ZNF365: variants seen among roughly 807,000 people sequenced by gnomAD.
The protein encoded by ZNF365 is zinc finger protein 365, also known as protein ZNF365.
A neutral mutation model predicts 35.0 loss-of-function variants in ZNF365; 22 were observed. That is an observed-to-expected ratio of 0.63 (90% CI 0.45 to 0.90). The LOEUF (loss-of-function observed/expected upper bound fraction) is 0.90. Among genes scored for constraint, ZNF365 ranks in the 40% least tolerant of loss-of-function variants. The pLI is 0.00. For missense variants in ZNF365, 448 were observed against 500.3 expected (o/e 0.90, Z 1.00); for synonymous variants, 188 against 196.2 (o/e 0.96, Z 0.35).
At chr10:62,459,685 A>T (rs1214804075) in intron 3 of ZNF365, 65 of 1,550,106 alleles carry the variant, frequency 4.2e-5, no homozygotes, top group Non-Finnish European at 5.5e-5. Context: ...GCTGTGACTT[A>T]TTCAGTCTAC....
intron 3 of ZNF365, among the ~76,000 whole-genome samples, chr10:62,445,401 A>T (rs1409945772): frequency 6.6e-6 from 1 of 151,686 alleles, no homozygotes; most frequent in African/African-American, 2.4e-5. Context: ...AACAGTGTAA[A>T]AGTGTTCCTA....
Position 62,376,786 on chromosome 10 carries a change from G to A in ZNF365, c.593G>A (p.Arg198Gln), listed in dbSNP as rs188391034. Residue 198 changes from arginine (R) to glutamine (Q), a missense_variant, in exon 2 of 5, where the codon CGG becomes CAG. By Grantham distance (43) the Arg-to-Gln change is conservative. Coordinates refer to ENST00000395254, the MANE Select transcript of ZNF365 (RefSeq NM_014951.3). ...AQKTAELLEVRAAFVQLTQKK... is the reference protein window; with the variant it reads ...AQKTAELLEVQAAFVQLTQKK... ...AAAACTGCGGAACTGTTGGAAGTTCGGGCAGCTTTTGTGCAGCTGACTCAG... is the reference window on the plus strand; with the variant it reads ...AAAACTGCGGAACTGTTGGAAGTTCAGGCAGCTTTTGTGCAGCTGACTCAG... 3.7e-5 allele frequency: 59 copies of A among 1,614,160 alleles called. No individual in the cohort carries two copies. The East Asian group carries it at 6.5e-4, about 18-fold the overall frequency.
At chr10:62,404,362 G>A (rs1839874390), downstream of ZNF365, among the ~76,000 whole-genome samples, 3 of 152,202 alleles carry the variant, frequency 2.0e-5, 1 homozygote, top group South Asian at 6.2e-4. Flanking sequence ...AGATATTACT[G>A]AGATCTGTGA....
chr10:62,386,833 T>C (rs1839533676), intron 2 of ZNF365, among the ~76,000 whole-genome samples: 1 of 151,988 alleles, frequency 6.6e-6, no homozygotes, highest in Non-Finnish European at 1.5e-5. Context: ...CAAGTGGAGG[T>C]TGAGAAGATG....
At chr10:62,477,318 A>G (rs1310152821) in intron 4 of ZNF365, among the ~76,000 whole-genome samples, 1 of 152,206 alleles carries the variant, frequency 6.6e-6, no homozygotes, top group East Asian at 1.9e-4. Flanking sequence ...AACACTAAAG[A>G]TAAAACAATA....
chr10:62,377,008 C>G (rs1839349031), intron 2 of ZNF365, 72 bp downstream of exon 2: 1 of 1,520,310 alleles, frequency 6.6e-7, no homozygotes, highest in African/African-American at 1.4e-5. Context: ...CAAGCAAATG[C>G]TAAGCAAGGT....
intron 4 of ZNF365, among the ~76,000 whole-genome samples, chr10:62,466,697 G>GT (rs61021349): frequency 0.019 from 2,769 of 147,602 alleles, 179 homozygotes; most frequent in Admixed American, 0.12. Flanking sequence ...ATATACTATA[G>GT]TTTTTTTTTT....
At chr10:62,473,678 T>C (rs2132492954) in intron 4 of ZNF365, among the ~76,000 whole-genome samples, 1 of 152,194 alleles carries the variant, frequency 6.6e-6, no homozygotes, top group African/African-American at 2.4e-5. Context: ...GCCTGGCACA[T>C]AGTAAATGCT....
downstream of ZNF365, among the ~76,000 whole-genome samples, chr10:62,404,176 C>T (rs2132433635): frequency 6.6e-6 from 1 of 152,296 alleles, no homozygotes; most frequent in South Asian, 2.1e-4. Context: ...GCTAGATTCT[C>T]CTTCCCACCC....
intron 2 of ZNF365, among the ~76,000 whole-genome samples, chr10:62,385,472 T>G (rs1469443607): frequency 6.6e-6 from 1 of 152,212 alleles, no homozygotes; most frequent in African/African-American, 2.4e-5. Context: ...AGGTGTTGCA[T>G]TCAAATTTGT....
chr10:62,398,592 A>G (rs997030894), intron 3 of ZNF365, 148 bp from the exon 4 acceptor site: 2 of 669,202 alleles, frequency 3.0e-6, no homozygotes, highest in African/African-American at 1.9e-5. Flanking sequence ...TCACTGATGC[A>G]ATGGATGGTG....
chr10:62,416,888 T>C (rs1394433045), intron 3 of ZNF365, among the ~76,000 whole-genome samples: 2 of 152,034 alleles, frequency 1.3e-5, no homozygotes, highest in African/African-American at 4.8e-5. Flanking sequence ...TATTTTGAAT[T>C]TGGGATGCTT....
chr10:62,436,134 T>A (rs1215534025), intron 3 of ZNF365, among the ~76,000 whole-genome samples: 1 of 152,008 alleles, frequency 6.6e-6, no homozygotes, highest in Non-Finnish European at 1.5e-5. Context: ...GTTTCACTTA[T>A]ATATATATAA....
In ZNF365 at chr10:62,400,075, T is replaced by C. The variant is rs1839801048; in HGVS notation, c.*286T>C. 1 of 1,148,602 alleles carries C rather than the reference T, an allele frequency of 8.7e-7. No homozygotes were observed. The highest frequency in any genetic ancestry group is 1.6e-5 in the African/African-American group (1 of 63,616). The allele number at this position is 1,148,602 out of a possible 1,614,324, so 71.2% of individuals were successfully genotyped here. A position where few individuals can be genotyped will look rare whatever the true frequency, so the allele number is the denominator to read the frequency against. On this transcript the variant is annotated 3_prime_UTR_variant, in exon 5 of 5. Transcript: ENST00000395254. ...CTAAAGTAACTGGCCCAGTCTCCAG[T>C]AATCTTGGCATCTGGGCTTCTATGC... is the stretch of plus-strand genomic sequence containing the variant.
rs895676371 is a variant in ZNF365 at position 62,400,477 on chromosome 10, C to G, written c.*688C>G. 4 of 986,004 alleles carry G rather than the reference C, an allele frequency of 4.1e-6. No individual in the cohort carries two copies. The highest frequency in any genetic ancestry group is 1.1e-4 in the East Asian group (1 of 8,958). The allele number at this position is 986,004 out of a possible 1,614,324, so 61.1% of individuals were successfully genotyped here. A position where few individuals can be genotyped will look rare whatever the true frequency, so the allele number is the denominator to read the frequency against. ...GATTTTGGTACACCTCTGCCGTCTT[C>G]TTTGGCTGAGTATTCTGCACCCACA... On this transcript the variant is annotated 3_prime_UTR_variant, in exon 5 of 5. Transcript: ENST00000395254.
intron 3 of ZNF365, among the ~76,000 whole-genome samples, chr10:62,408,638 T>A (rs1177951955): frequency 6.6e-6 from 1 of 152,084 alleles, no homozygotes; most frequent in East Asian, 1.9e-4. Flanking sequence ...CACGGAGACT[T>A]AGAAAAGAGA....
intron 4 of ZNF365, among the ~76,000 whole-genome samples, chr10:62,476,689 C>T (rs192679208): frequency 6.6e-6 from 1 of 152,186 alleles, no homozygotes. Flanking sequence ...ATGCATAAGT[C>T]AAATGGTTAA....
chr10:62,478,048 G>T (rs903076821), intron 4 of ZNF365, among the ~76,000 whole-genome samples: 3 of 152,152 alleles, frequency 2.0e-5, no homozygotes, highest in Non-Finnish European at 2.9e-5. Context: ...AAGACAACCA[G>T]AAGTCCTAAA....
intron 3 of ZNF365, among the ~76,000 whole-genome samples, chr10:62,413,420 G>A (rs1178426769): frequency 6.6e-6 from 1 of 152,156 alleles, no homozygotes; most frequent in East Asian, 1.9e-4. Flanking sequence ...TCTTCTAAGG[G>A]AACATGCATT....
Sources: allele counts gnomAD v4.1 joint callset (sites outside exome capture counted in the v4.1 genomes callset), GRCh38; gene constraint gnomAD v4.1.1; transcripts MANE v1.5; gene names NCBI Gene and HGNC (gene_info 2026-07-23, HGNC 2026-07-21).